PTPRS: variants seen among roughly 807,000 people sequenced by gnomAD.
PTPRS encodes the protein protein tyrosine phosphatase receptor type S, also known as receptor-type tyrosine-protein phosphatase S.
PTPRS carries 63 observed loss-of-function variants against 215.3 expected under a neutral mutation model. The ratio of observed to expected loss-of-function variants is 0.29; its 90% CI spans 0.24 to 0.36. The LOEUF is 0.36. Ranked by LOEUF, PTPRS falls within the 10% of genes least tolerant of loss-of-function variation. The pLI, the probability that PTPRS is intolerant of heterozygous loss-of-function variation, is 1.00. For missense variants in PTPRS, 2,258 were observed against 2,825.8 expected, an observed-to-expected ratio of 0.80 and a Z score of 4.56; for synonymous variants, 1,404 against 1,191.4, an observed-to-expected ratio of 1.18 and a Z score of -3.68.
intron 4 of PTPRS, among the ~76,000 whole-genome samples, chr19:5,270,191 G>T (rs1161414140): frequency 6.6e-6 from 1 of 152,206 alleles, no homozygotes; most frequent in African/African-American, 2.4e-5. Context: ...AGCAGGATGG[G>T]ATCCAGGACC....
At chr19:5,230,955 C>CG (rs779656504) in intron 14 of PTPRS, among the ~76,000 whole-genome samples, 1 of 152,196 alleles carries the variant, frequency 6.6e-6, no homozygotes, top group African/African-American at 2.4e-5. Flanking sequence ...TCCATCCACC[C>CG]GGGGAGCTGG....
intron 17 of PTPRS, among the ~76,000 whole-genome samples, chr19:5,225,167 AG>A (rs2042369429): frequency 6.6e-6 from 1 of 152,168 alleles, no homozygotes; most frequent in Non-Finnish European, 1.5e-5. Context: ...AGGGGCTAGA[AG>A]GGGAAACTGA....
chr19:5,277,383 C>A (rs979361615), intron 2 of PTPRS, among the ~76,000 whole-genome samples: 1 of 151,918 alleles, frequency 6.6e-6, no homozygotes, highest in Admixed American at 6.6e-5. Context: ...AAGCCGGGTG[C>A]GGTGGCTCAT....
Position 5,244,114 on chromosome 19 carries a change from G to T in PTPRS, c.1357C>A (p.Pro453Thr). 1 of 1,607,202 alleles carries T rather than the reference G, an allele frequency of 6.2e-7. No individual in the cohort carries two copies. The change falls in exon 11 of 38, where the codon CCC (proline) becomes ACC (threonine). Residue 453 changes from proline (P) to threonine (T), a missense_variant. Physicochemically the swap from Pro to Thr is conservative, Grantham distance 38 (BLOSUM62 -1). Transcript: ENST00000262963. This position sits in a 1 kb window ranked among gnomAD's most constrained non-coding sequence, Gnocchi z 7.2. Reference sequence around the variant, plus strand: ...CGGTAGCCGCGGATCAGGCCGTTGGGCTCCACCGGCTCCTCCCACTGCACA... The same window carrying T: ...CGGTAGCCGCGGATCAGGCCGTTGGTCTCCACCGGCTCCTCCCACTGCACA... ...MIVQWEEPVE[P>T]NGLIRGYRVY...
At chr19:5,276,035 T>C (rs1035204546) in intron 2 of PTPRS, among the ~76,000 whole-genome samples, 2 of 152,154 alleles carry the variant, frequency 1.3e-5, no homozygotes, top group African/African-American at 2.4e-5. Context: ...CCATTTTACA[T>C]GTGAGGAAAC....
Position 5,229,691 on chromosome 19 carries a change from G to A in PTPRS, c.2156-7C>T, listed in dbSNP as rs1023836838. 76 of 1,255,080 alleles carry A rather than the reference G, an allele frequency of 6.1e-5. No homozygotes were observed. Among genetic ancestry groups the A allele is most frequent in the Non-Finnish European group, 7.3e-5 (73 of 1,002,296 alleles). The allele number at this position is 1,255,080 out of a possible 1,614,324, so 77.7% of individuals were successfully genotyped here. A position where few individuals can be genotyped will look rare whatever the true frequency, so the allele number is the denominator to read the frequency against. The stretch of plus-strand genomic sequence containing the variant: ...CGCGGCGGCGCGCTGGGCACTGGCG[G>A]GCGGGAGGGGAGGGGAGGGGCGGGC... On this transcript the variant is annotated splice_polypyrimidine_tract_variant and splice_region_variant and intron_variant, in intron 14 of 37. Transcript: ENST00000262963.
intron 11 of PTPRS, among the ~76,000 whole-genome samples, chr19:5,242,491 C>T (rs915926356): frequency 3.3e-5 from 5 of 151,912 alleles, no homozygotes; most frequent in Non-Finnish European, 7.4e-5. Flanking sequence ...CCTCAGCCTC[C>T]TGAGTAGCTG....
chr19:5,325,991 G>A (rs34133057), intron 1 of PTPRS, among the ~76,000 whole-genome samples: 1 of 152,204 alleles, frequency 6.6e-6, no homozygotes, highest in South Asian at 2.1e-4. Flanking sequence ...AGCACCTGGG[G>A]AGGCTGGGGC....
chr19:5,302,548 G>C (rs2049334146), intron 1 of PTPRS, among the ~76,000 whole-genome samples: 1 of 152,218 alleles, frequency 6.6e-6, no homozygotes, highest in Non-Finnish European at 1.5e-5. Flanking sequence ...GCTGGATACT[G>C]TTGCGAACAC....
chr19:5,223,381 T>C (rs2042184083), intron 17 of PTPRS, 84 bp from the exon 18 acceptor site: 1 of 1,357,030 alleles, frequency 7.4e-7, no homozygotes, highest in Admixed American at 3.7e-5. Flanking sequence ...TTTTAATTCT[T>C]TTCCTTCAAT....
chr19:5,263,045 C>T, intron 5 of PTPRS, 73 bp from the exon 6 acceptor site: 1 of 1,072,874 alleles, frequency 9.3e-7, no homozygotes, highest in Non-Finnish European at 1.4e-6. Context: ...AATCCTATGT[C>T]CTCAGCGAGG....
chr19:5,276,215 G>GTGTTTT (rs139242208), intron 2 of PTPRS, among the ~76,000 whole-genome samples: 4 of 151,862 alleles, frequency 2.6e-5, no homozygotes, highest in South Asian at 2.1e-4. Flanking sequence ...TGGAGTAGGA[G>GTGTTTT]TGTTTTTGTT....
At chr19:5,311,302 CCCGGCCCCTATTTGTTCATTGT>C (rs1555807589) in intron 1 of PTPRS, among the ~76,000 whole-genome samples, 2 of 152,186 alleles carry the variant, frequency 1.3e-5, no homozygotes, top group Non-Finnish European at 2.9e-5. Context: ...AGCCACTGCG[CCCGGCCCCTATTTGTTCATTGT>C]CCTTCTGATG....
chr19:5,253,769 C>G (rs143731068), intron 9 of PTPRS, among the ~76,000 whole-genome samples: 15 of 152,318 alleles, frequency 9.8e-5, no homozygotes, highest in African/African-American at 3.4e-4. Context: ...AAGTACATAA[C>G]AGGGAAACTA....
Position 5,221,014 on chromosome 19 carries a change from G to A in PTPRS, c.3441C>T (p.Ser1147=), listed in dbSNP as rs1409427357. 4.3e-6 allele frequency: 7 copies of A among 1,611,206 alleles called. No individual in the cohort carries two copies. The highest frequency in any genetic ancestry group is 5.9e-6 in the Non-Finnish European group (7 of 1,178,462). ...GGTGAGCATACTGGACAGGCACGGG[G>A]CTCTGGCCGTCAGGAAGATACACCA... ...FIMVYLPDGQ[S]PVPVQSYFIV... The change falls in exon 20 of 38, where the codon AGC becomes AGT. Residue 1147 remains serine, a synonymous_variant. Coordinates refer to ENST00000262963, the MANE Select transcript of PTPRS (RefSeq NM_002850.4).
At position 5,294,051 on chromosome 19, in the gene PTPRS, G is replaced by C. The variant is rs2049046332; in HGVS notation, c.-94-7817C>G. On this transcript the variant is annotated intron_variant, in intron 1 of 37. Coordinates refer to ENST00000262963, the MANE Select transcript of PTPRS (RefSeq NM_002850.4). The surrounding 1 kb of genome is among the most constrained non-coding windows in gnomAD (Gnocchi z 5.1). ...GGAATGTAGAAGCCCAGCGGGACCT[G>C]GGGGTCTGGGGACGGGACAGGGGCA... 6.6e-6 allele frequency among the ~76,000 whole-genome samples: 1 copy of C among 152,198 alleles called. No homozygotes were observed. The highest frequency in any genetic ancestry group is 2.4e-5 in the African/African-American group (1 of 41,454).
chr19:5,338,693 G>A lies in PTPRS; in HGVS notation c.-95+1971C>T, dbSNP rs919728256. On this transcript the variant is annotated intron_variant, in intron 1 of 37. Transcript: ENST00000262963. The surrounding 1 kb of genome is among the most constrained non-coding windows in gnomAD (Gnocchi z 4.2). ...AAGGCAGGCGCGATTGGCAGGGGGAGGGGGGCACAAAGGAAGGGACCCTGG... is the reference window on the plus strand; with the variant it reads ...AAGGCAGGCGCGATTGGCAGGGGGAAGGGGGCACAAAGGAAGGGACCCTGG... Among the ~76,000 whole-genome samples, 2 of 152,052 alleles carry A rather than the reference G, an allele frequency of 1.3e-5. No homozygotes were observed. Among genetic ancestry groups the A allele is most frequent in the African/African-American group, 2.4e-5 (1 of 41,374 alleles).
In PTPRS at chr19:5,222,225, C is replaced by A. The variant is rs754306125; in HGVS notation, c.3104-5G>T. 1.2e-6 allele frequency: 2 copies of A among 1,611,978 alleles called. No homozygotes were observed. The highest frequency in any genetic ancestry group is 1.1e-5 in the South Asian group (1 of 91,054). On this transcript the variant is annotated splice_polypyrimidine_tract_variant and splice_region_variant and intron_variant, in intron 18 of 37. Transcript: ENST00000262963. ...CCTTGAAGTTCTTGGGCGAGACTGC[C>A]GGGGAGGCGGCCGAGCAGGGAGAGA... is the stretch of plus-strand genomic sequence containing the variant.
rs772233197 is a variant in PTPRS at position 5,258,054 on chromosome 19, G to A, written c.669C>T (p.Gly223=). ...GGTTGGCAGGTGAGGAGTAGCGCACGCCGGCGCTGTTGGTGGCCACACACT... is the reference window on the plus strand; with the variant it reads ...GGTTGGCAGGTGAGGAGTAGCGCACACCGGCGCTGTTGGTGGCCACACACT... ...KYECVATNSA[G]VRYSSPANLY... Residue 223 remains glycine (G), a synonymous_variant, in exon 8 of 38, where the codon GGC becomes GGT. Coordinates refer to ENST00000262963, the MANE Select transcript of PTPRS (RefSeq NM_002850.4). 1.1e-4 allele frequency: 179 copies of A among 1,614,016 alleles called. 1 individual carries two copies. Among genetic ancestry groups the A allele is most frequent in the South Asian group, 1.4e-4 (13 of 91,088 alleles).
Sources: gnomAD v4.1 joint callset for allele counts (sites outside exome capture counted in the v4.1 genomes callset) on GRCh38, gnomAD v4.1.1 for gene constraint, Gnocchi (gnomAD v3.1) non-coding constraint, MANE v1.5 for transcripts, NCBI Gene and HGNC (gene_info 2026-07-23, HGNC 2026-07-21) for gene names.